The following TPTE2 variants were observed in gnomAD, a reference collection of about 807,000 sequenced individuals.
The protein encoded by TPTE2 is transmembrane phosphoinositide 3-phosphatase and tensin homolog 2.
In TPTE2, 53 loss-of-function variants were observed where a neutral mutation model predicts 78.6. The ratio of observed to expected loss-of-function variants is 0.67; its 90% CI spans 0.54 to 0.85. TPTE2 has a LOEUF of 0.85. TPTE2 is among the 40% of genes least tolerant of loss of function. The probability of loss-of-function intolerance (pLI) is 0.00; values close to 1 mark genes in which losing one functional copy is unlikely to be tolerated. For missense variants in TPTE2, 461 were observed against 623.0 expected (o/e 0.74, Z 2.77); for synonymous variants, 175 against 206.2 (o/e 0.85, Z 1.30).
chr13:19,474,838 C>T (rs1434225183), intron 5 of TPTE2, among the ~76,000 whole-genome samples: 5 of 152,162 alleles, frequency 3.3e-5, no homozygotes, highest in African/African-American at 1.2e-4. Context: ...AGTATGAAAT[C>T]GTACTCTTAT....
At chr13:19,479,001 G>A (rs1204069889) in intron 4 of TPTE2, among the ~76,000 whole-genome samples, 2 of 152,012 alleles carry the variant, frequency 1.3e-5, no homozygotes, top group Non-Finnish European at 2.9e-5. Flanking sequence ...ACACACCGGG[G>A]CCTGTCATGG....
chr13:19,560,425 G>C, the TPTE2 span: 20 of 1,609,084 alleles, frequency 1.2e-5, no homozygotes, highest in Non-Finnish European at 1.4e-5. Context: ...TAAGTCCTCA[G>C]CGAAGGCCAA....
At chr13:19,429,233 G>T (rs1186154114) in intron 17 of TPTE2, among the ~76,000 whole-genome samples, 3 of 152,236 alleles carry the variant, frequency 2.0e-5, no homozygotes, top group Admixed American at 2.0e-4. Flanking sequence ...GAGAAAGAAA[G>T]GGTAAGGAGA....
intron 6 of TPTE2, among the ~76,000 whole-genome samples, chr13:19,470,479 TG>T (rs1470797955): frequency 3.3e-5 from 5 of 152,140 alleles, no homozygotes; most frequent in African/African-American, 1.2e-4. Context: ...TATATTAGCA[TG>T]TTTTTGGTTT....
intron 9 of TPTE2, 103 bp from the exon 13 acceptor site, chr13:19,464,623 A>T: frequency 7.6e-7 from 1 of 1,309,050 alleles, no homozygotes; most frequent in Non-Finnish European, 1.1e-6. Context: ...ACAGAAAAAA[A>T]ACTTTTAAAA....
At chr13:19,529,215 A>C (rs1391449350) in intron 1 of TPTE2, among the ~76,000 whole-genome samples, 5 of 152,222 alleles carry the variant, frequency 3.3e-5, no homozygotes, top group African/African-American at 1.2e-4. Context: ...AGTGACAATG[A>C]GTTCTAGATG....
At chr13:19,540,934 G>T (rs573078965), upstream of TPTE2, among the ~76,000 whole-genome samples, 1 of 152,104 alleles carries the variant, frequency 6.6e-6, no homozygotes, top group East Asian at 1.9e-4. Context: ...CTCACACTTA[G>T]TGGCTTAAAA....
chr13:19,529,626 CT>C (rs1870740239), intron 1 of TPTE2, among the ~76,000 whole-genome samples: 1 of 152,166 alleles, frequency 6.6e-6, no homozygotes, highest in Non-Finnish European at 1.5e-5. Context: ...ACCTGACTCC[CT>C]TCCCCTACTT....
At chr13:19,434,923 A>G (rs1162662554) in intron 15 of TPTE2, among the ~76,000 whole-genome samples, 1 of 152,188 alleles carries the variant, frequency 6.6e-6, no homozygotes, top group East Asian at 1.9e-4. Context: ...CTGAACCTCA[A>G]TTTTCTAATT....
chr13:19,560,494 ACT>A, the TPTE2 span: 2 of 1,591,780 alleles, frequency 1.3e-6, no homozygotes, highest in East Asian at 2.2e-5. Context: ...CTCCATTCAT[ACT>A]CTCTGCAGTA....
intron 1 of TPTE2, among the ~76,000 whole-genome samples, chr13:19,525,385 T>G (rs1187546006): frequency 6.6e-6 from 1 of 151,902 alleles, no homozygotes; most frequent in African/African-American, 2.4e-5. Context: ...AACCCAGAAA[T>G]AAAGCTGCAC....
At chr13:19,542,692 A>G in the TPTE2 span, among the ~76,000 whole-genome samples, 1 of 152,106 alleles carries the variant, frequency 6.6e-6, no homozygotes, top group African/African-American at 2.4e-5. Context: ...ATCAAAACCA[A>G]ATAAGCATAT....
rs531872033 is a variant in TPTE2 at position 19,446,420 on chromosome 13, T to C, written c.973+3656A>G. On this transcript the variant is annotated intron_variant, in intron 13 of 19. Transcript: ENST00000400230. ...CAAATTAATGGAGAACAAAATAGCA[T>C]GCAATTGATGGTGTTAGGACAATTG... 1.2e-4 allele frequency among the ~76,000 whole-genome samples: 18 copies of C among 152,274 alleles called. No homozygotes were observed. The East Asian group carries it at 3.5e-3, about 29-fold the overall frequency.
chr13:19,541,366 A>G (rs372855825), upstream of TPTE2, among the ~76,000 whole-genome samples: 25 of 152,312 alleles, frequency 1.6e-4, no homozygotes, highest in South Asian at 1.4e-3. Flanking sequence ...AGCATGTCTC[A>G]GGTCTCATCC....
rs372335319 is a variant in TPTE2, at chr13:19,437,504, A to C, written c.1035+588T>G. 2.7e-3 allele frequency among the ~76,000 whole-genome samples: 413 copies of C among 152,338 alleles called. 9 individuals carry two copies. The South Asian group carries it at 0.045, about 16-fold the overall frequency. On this transcript the variant is annotated intron_variant, in intron 14 of 19. Coordinates refer to ENST00000400230, the Ensembl canonical transcript of TPTE2. ...TACATTCAGGAGAGGCTTTGTTTTC[A>C]GTTGTGAAATGTTGCTTTTTATCTA...
At chr13:19,527,780 C>T (rs1870596985) in intron 1 of TPTE2, among the ~76,000 whole-genome samples, 1 of 152,192 alleles carries the variant, frequency 6.6e-6, no homozygotes, top group Non-Finnish European at 1.5e-5. Flanking sequence ...AAGGCTGATA[C>T]AGGATGAAGG....
At chr13:19,454,449 C>T (rs1878408256) in intron 10 of TPTE2, among the ~76,000 whole-genome samples, 1 of 152,184 alleles carries the variant, frequency 6.6e-6, no homozygotes, top group Non-Finnish European at 1.5e-5. Flanking sequence ...CACTGAAGGG[C>T]TCCATGGCCT....
chr13:19,450,219 T>C, intron 12 of TPTE2, 44 bp downstream of exon 15: 3 of 1,610,408 alleles, frequency 1.9e-6, no homozygotes, highest in Non-Finnish European at 2.5e-6. Flanking sequence ...TCAAGCCCAA[T>C]ATATTTAGCC....
At chr13:19,561,014 C>G in the TPTE2 span, 2 of 1,578,038 alleles carry the variant, frequency 1.3e-6, no homozygotes, top group Non-Finnish European at 1.7e-6. Context: ...CACGTCCCCA[C>G]AGACCAGGCA....
Sources: gnomAD v4.1 joint callset for allele counts (sites outside exome capture counted in the v4.1 genomes callset) on GRCh38, gnomAD v4.1.1 for gene constraint, MANE v1.5 for transcripts, NCBI Gene and HGNC (gene_info 2026-07-23, HGNC 2026-07-21) for gene names.